Variants in ANO4 observed in about 807,000 individuals in gnomAD.
ANO4 encodes the protein anoctamin-4.
In ANO4, 69 loss-of-function variants were observed where a neutral mutation model predicts 141.9. That is an observed-to-expected ratio of 0.49 (90% CI 0.40 to 0.59). ANO4 has a LOEUF of 0.59. ANO4 is among the 20% of genes least tolerant of loss of function. The pLI, the probability that ANO4 is intolerant of heterozygous loss-of-function variation, is 0.00. For synonymous variants in ANO4, 350 were observed against 394.3 expected (o/e 0.89, Z 1.33); for missense variants, 894 against 1,162.2 (o/e 0.77, Z 3.36).
intron 3 of ANO4, among the ~76,000 whole-genome samples, chr12:100,758,460 C>A (rs1250422802): frequency 6.6e-6 from 1 of 152,156 alleles, no homozygotes; most frequent in African/African-American, 2.4e-5. Flanking sequence ...AGCATTCTGT[C>A]CTCTCTGGAG....
rs547517976 is a variant in ANO4, at chr12:101,007,312, G to A, written c.735-12722G>A. 3.3e-5 allele frequency among the ~76,000 whole-genome samples: 5 copies of A among 152,226 alleles called. No homozygotes were observed. The South Asian group carries it at 6.2e-4, about 19-fold the overall frequency. ...TTGCAGTGAGCGGAGATTGCACCACGGCCCTCCAGCCTGGGGGAGAGAGTA... is the reference window on the plus strand; with the variant it reads ...TTGCAGTGAGCGGAGATTGCACCACAGCCCTCCAGCCTGGGGGAGAGAGTA... On this transcript the variant is annotated intron_variant, in intron 8 of 27. Coordinates refer to ENST00000392977, the MANE Select transcript of ANO4 (RefSeq NM_001286615.2).
chr12:100,943,921 T>C (rs2042611763), intron 5 of ANO4, among the ~76,000 whole-genome samples: 1 of 152,204 alleles, frequency 6.6e-6, no homozygotes, highest in African/African-American at 2.4e-5. Flanking sequence ...AGAATTTTTA[T>C]ATGAAGAAAT....
intron 1 of ANO4, among the ~76,000 whole-genome samples, chr12:100,868,342 G>A (rs939376744): frequency 6.6e-6 from 1 of 152,072 alleles, no homozygotes; most frequent in Non-Finnish European, 1.5e-5. Flanking sequence ...ACTGCATTAG[G>A]TCCCAGCCCA....
intron 8 of ANO4, among the ~76,000 whole-genome samples, chr12:100,999,908 G>T (rs533829416): frequency 2.0e-5 from 3 of 151,576 alleles, no homozygotes; most frequent in African/African-American, 7.3e-5. Context: ...CTTTAGCCAG[G>T]CATGGTGGTG....
At chr12:100,946,740 G>A (rs796124765) in intron 5 of ANO4, among the ~76,000 whole-genome samples, 19 of 152,312 alleles carry the variant, frequency 1.2e-4, no homozygotes, top group African/African-American at 4.6e-4. Context: ...CTCCAAAGGA[G>A]TAACTGCAAA....
At chr12:100,824,422 GAACA>G (rs545541244) in intron 1 of ANO4, among the ~76,000 whole-genome samples, 44 of 151,844 alleles carry the variant, frequency 2.9e-4, no homozygotes, top group East Asian at 9.7e-4. Context: ...TGCAAATTAA[GAACA>G]AACAAACAAA....
chr12:100,888,419 C>T (rs2039943735), intron 1 of ANO4, among the ~76,000 whole-genome samples: 1 of 152,218 alleles, frequency 6.6e-6, no homozygotes. Context: ...ATAAAACATG[C>T]CTCAAGAGGC....
intron 3 of ANO4, among the ~76,000 whole-genome samples, chr12:100,763,316 C>T (rs890835057): frequency 6.6e-6 from 1 of 152,144 alleles, no homozygotes; most frequent in Non-Finnish European, 1.5e-5. Flanking sequence ...GGGTACTGCC[C>T]CTGCAACAGA....
At chr12:101,003,440 G>C (rs1463754916) in intron 8 of ANO4, among the ~76,000 whole-genome samples, 1 of 152,222 alleles carries the variant, frequency 6.6e-6, no homozygotes, top group Non-Finnish European at 1.5e-5. Flanking sequence ...ACCAAGCATA[G>C]TATCAATGTG....
chr12:100,869,409 G>T lies in ANO4; in HGVS notation c.-140-32237G>T, dbSNP rs181918301. On this transcript the variant is annotated intron_variant, in intron 1 of 27. Transcript: ENST00000392977. ...GAGGGAATGACCAGCAGGTTATTAT[G>T]CATGGAAAAGCTGTTCTTCTTAGAC... 3.9e-4 allele frequency among the ~76,000 whole-genome samples: 59 copies of T among 152,324 alleles called. No homozygotes were observed. The East Asian group carries it at 8.9e-3, about 23-fold the overall frequency.
chr12:100,892,783 GT>G (rs548442362), intron 1 of ANO4, among the ~76,000 whole-genome samples: 40 of 145,948 alleles, frequency 2.7e-4, no homozygotes, highest in South Asian at 8.7e-4. Context: ...TTTAATTGTA[GT>G]TTTTTTTTTT....
chr12:100,959,636 A>G (rs1203835152), intron 5 of ANO4, among the ~76,000 whole-genome samples: 1 of 152,198 alleles, frequency 6.6e-6, no homozygotes, highest in Non-Finnish European at 1.5e-5. Context: ...TGGCCTCACC[A>G]GCAGCTTTCC....
At chr12:101,003,096 G>A (rs547163040) in intron 8 of ANO4, among the ~76,000 whole-genome samples, 9 of 152,264 alleles carry the variant, frequency 5.9e-5, no homozygotes, top group South Asian at 4.1e-4. Context: ...TTCTTCAGGC[G>A]AAGCCATAAA....
At chr12:100,814,064 T>C (rs1305828549) in intron 1 of ANO4, among the ~76,000 whole-genome samples, 1 of 152,166 alleles carries the variant, frequency 6.6e-6, no homozygotes, top group Non-Finnish European at 1.5e-5. Flanking sequence ...TTCTTACCAC[T>C]ACTTTATATT....
At chr12:100,784,829 C>G (rs916639835) in intron 3 of ANO4, among the ~76,000 whole-genome samples, 5 of 152,192 alleles carry the variant, frequency 3.3e-5, no homozygotes, top group Non-Finnish European at 7.3e-5. Flanking sequence ...GGATTCAGTG[C>G]TGTAAAAGCA....
intron 23 of ANO4, 50 bp from the exon 24 acceptor site, chr12:101,111,513 A>T: frequency 7.0e-7 from 1 of 1,421,030 alleles, no homozygotes; most frequent in Admixed American, 2.6e-5. Context: ...TTTCATAATT[A>T]TCACCTCTGT....
intron 14 of ANO4, among the ~76,000 whole-genome samples, chr12:101,050,479 C>T (rs619856): frequency 0.044 from 6,621 of 152,174 alleles, 244 homozygotes; most frequent in Non-Finnish European, 0.062. Flanking sequence ...ATAAAGAATG[C>T]GTATATAGTT....
intron 2 of ANO4, among the ~76,000 whole-genome samples, chr12:100,916,340 A>C (rs183684822): frequency 6.6e-6 from 1 of 152,318 alleles, no homozygotes; most frequent in South Asian, 2.1e-4. Flanking sequence ...TCTACTGATA[A>C]CCTATCAAGA....
intron 8 of ANO4, among the ~76,000 whole-genome samples, chr12:100,993,648 G>A (rs1403504099): frequency 6.6e-6 from 1 of 152,088 alleles, no homozygotes; most frequent in Non-Finnish European, 1.5e-5. Context: ...CTGTTATCTT[G>A]TTATTCTGCC....
Sources: gnomAD v4.1 joint callset for allele counts (sites outside exome capture counted in the v4.1 genomes callset) on GRCh38, gnomAD v4.1.1 for gene constraint, MANE v1.5 for transcripts, NCBI Gene and HGNC (gene_info 2026-07-23, HGNC 2026-07-21) for gene names.